ASIC2: variants seen among roughly 807,000 people sequenced by gnomAD.
ASIC2 encodes acid sensing ion channel subunit 2.
In ASIC2, 25 loss-of-function variants were observed where a neutral mutation model predicts 57.3. The ratio of observed to expected loss-of-function variants is 0.44; its 90% CI spans 0.32 to 0.61. ASIC2 has a LOEUF of 0.61. ASIC2 is among the 20% of genes least tolerant of loss of function. The probability of loss-of-function intolerance (pLI) is 0.06; values close to 1 mark genes in which losing one functional copy is unlikely to be tolerated. For missense variants in ASIC2, 641 were observed against 738.1 expected, an observed-to-expected ratio of 0.87 and a Z score of 1.52; for synonymous variants, 319 against 307.5, an observed-to-expected ratio of 1.04 and a Z score of -0.39.
intron 1 of ASIC2, among the ~76,000 whole-genome samples, chr17:33,800,919 T>A (rs185969831): frequency 3.9e-5 from 6 of 152,310 alleles, no homozygotes; most frequent in Non-Finnish European, 8.8e-5. Flanking sequence ...GCTAATCTAG[T>A]CTGACTCTAG....
rs970007383 is a variant in ASIC2 at position 33,017,102 on chromosome 17, G to A, written c.1521+503C>T. Among the ~76,000 whole-genome samples, 5 of 152,200 alleles carry A rather than the reference G, an allele frequency of 3.3e-5. No individual in the cohort carries two copies. In the South Asian group the frequency reaches 8.3e-4, roughly 25 times the overall value. On this transcript the variant is annotated intron_variant, in intron 8 of 9. Transcript: ENST00000225823. ...GGCTGGCGTGCCCTGCTGTCTTCTC[G>A]CTGAGGATTGGTGAGGACTGCTGGG...
At chr17:33,445,499 A>G (rs535541449) in intron 1 of ASIC2, among the ~76,000 whole-genome samples, 1 of 152,232 alleles carries the variant, frequency 6.6e-6, no homozygotes, top group African/African-American at 2.4e-5. Context: ...GATCTGCTAC[A>G]TACCAGCAGT....
At chr17:34,086,314 A>G (rs1325295465) in intron 1 of ASIC2, among the ~76,000 whole-genome samples, 2 of 152,040 alleles carry the variant, frequency 1.3e-5, no homozygotes, top group African/African-American at 4.8e-5. Context: ...GTCATTCAGG[A>G]GCAGGTTGTT....
intron 1 of ASIC2, among the ~76,000 whole-genome samples, chr17:33,583,950 C>T (rs1277397599): frequency 6.6e-6 from 1 of 152,134 alleles, no homozygotes; most frequent in Non-Finnish European, 1.5e-5. Context: ...GCTCCTGGAG[C>T]TGAGGGTGGG....
At chr17:34,121,280 T>TA (rs34783023) in intron 1 of ASIC2, among the ~76,000 whole-genome samples, 5,079 of 152,290 alleles carry the variant, frequency 0.033, 314 homozygotes, top group African/African-American at 0.12. Flanking sequence ...TCTGTTGTTT[T>TA]AAGCCACCCA....
chr17:33,057,302 GCTTAGGAAAA>G (rs2141935094), intron 3 of ASIC2, among the ~76,000 whole-genome samples: 1 of 152,294 alleles, frequency 6.6e-6, no homozygotes, highest in East Asian at 1.9e-4. Context: ...TTCTATACTA[GCTTAGGAAAA>G]CTTCATTCTA....
At chr17:33,150,634 A>G (rs1904747071) in intron 1 of ASIC2, among the ~76,000 whole-genome samples, 1 of 151,544 alleles carries the variant, frequency 6.6e-6, no homozygotes. Context: ...GGATCACTTG[A>G]GGTCAGGAGT....
chr17:33,342,472 T>C (rs1309950736), intron 1 of ASIC2, among the ~76,000 whole-genome samples: 3 of 152,150 alleles, frequency 2.0e-5, no homozygotes, highest in Admixed American at 2.0e-4. Flanking sequence ...GCATGTGGTA[T>C]GTATATGATT....
At chr17:33,940,029 C>T (rs1916150964) in intron 1 of ASIC2, among the ~76,000 whole-genome samples, 1 of 152,128 alleles carries the variant, frequency 6.6e-6, no homozygotes, top group Admixed American at 6.5e-5. Context: ...AGAAAAGGGC[C>T]TACCCTGCGT....
At chr17:34,011,029 ACAT>A in intron 1 of ASIC2, among the ~76,000 whole-genome samples, 1 of 1,318 alleles carries the variant, frequency 7.6e-4, no homozygotes, top group African/African-American at 3.3e-3. Context: ...AAAGTCAGAC[ACAT>A]GCACACACAC....
intron 1 of ASIC2, among the ~76,000 whole-genome samples, chr17:33,432,885 T>C (rs955824800): frequency 5.3e-5 from 8 of 152,148 alleles, no homozygotes; most frequent in Admixed American, 4.6e-4. Context: ...ATGGCTATGA[T>C]AAGAAGTCAA....
At chr17:33,743,954 A>G (rs969476938) in intron 1 of ASIC2, among the ~76,000 whole-genome samples, 3 of 152,202 alleles carry the variant, frequency 2.0e-5, no homozygotes, top group Admixed American at 2.0e-4. Context: ...TTCGTAGGAC[A>G]TGCTGGAAGA....
chr17:34,037,951 A>C lies in ASIC2; in HGVS notation c.555+118027T>G, dbSNP rs1907955473. The C allele has an allele frequency of 4.3e-6, 7 of 1,613,778 alleles. No homozygotes were observed. In the East Asian group the frequency reaches 1.6e-4, roughly 36 times the overall value. ...AGAAGATCACACCCACCGACCACACATCAACTTTATTTGAGATCTTTGGTG... is the reference window on the plus strand; with the variant it reads ...AGAAGATCACACCCACCGACCACACCTCAACTTTATTTGAGATCTTTGGTG... On this transcript the variant is annotated intron_variant, in intron 1 of 9. Transcript: ENST00000359872.
At chr17:33,214,077 C>A (rs1431520553) in intron 1 of ASIC2, among the ~76,000 whole-genome samples, 1 of 152,170 alleles carries the variant, frequency 6.6e-6, no homozygotes, top group Non-Finnish European at 1.5e-5. Flanking sequence ...TCTTGTCCAT[C>A]TCTCGTGCCC....
intron 1 of ASIC2, among the ~76,000 whole-genome samples, chr17:33,341,121 A>C (rs1907703765): frequency 6.6e-6 from 1 of 152,240 alleles, no homozygotes; most frequent in Non-Finnish European, 1.5e-5. Context: ...TAAGGTATCC[A>C]ATCCAGTGGT....
intron 1 of ASIC2, among the ~76,000 whole-genome samples, chr17:33,152,680 G>A (rs2142031437): frequency 6.6e-6 from 1 of 152,272 alleles, no homozygotes; most frequent in South Asian, 2.1e-4. Flanking sequence ...CCTGAGACCT[G>A]GGTTTCCCAA....
chr17:33,766,511 C>T (rs1490911228), intron 1 of ASIC2, among the ~76,000 whole-genome samples: 1 of 152,196 alleles, frequency 6.6e-6, no homozygotes, highest in African/African-American at 2.4e-5. Context: ...ACTCTTCTCC[C>T]TCAGACTTCT....
chr17:33,891,631 A>AT (rs1914961034), intron 1 of ASIC2, among the ~76,000 whole-genome samples: 1 of 152,150 alleles, frequency 6.6e-6, no homozygotes, highest in African/African-American at 2.4e-5. Context: ...AACACATTTC[A>AT]TTTTTCCCTC....
chr17:34,004,434 T>C (rs939032828), intron 1 of ASIC2: 2 of 152,206 alleles, frequency 1.3e-5, no homozygotes, highest in African/African-American at 4.8e-5. Flanking sequence ...AAGCGATCTG[T>C]CTTGTCGTTC....
Sources: allele counts gnomAD v4.1 joint callset (sites outside exome capture counted in the v4.1 genomes callset), GRCh38; gene constraint gnomAD v4.1.1; transcripts MANE v1.5; gene names NCBI Gene and HGNC (gene_info 2026-07-23, HGNC 2026-07-21).